SPRED1: variants seen among roughly 807,000 people sequenced by gnomAD.
The protein encoded by SPRED1 is sprouty-related, EVH1 domain-containing protein 1.
A neutral mutation model predicts 52.3 loss-of-function variants in SPRED1; 18 were observed. The ratio of observed to expected loss-of-function variants is 0.34; its 90% CI spans 0.24 to 0.51. SPRED1 has a LOEUF of 0.51. SPRED1 is among the 20% of genes least tolerant of loss of function. The pLI is 0.97. For missense variants in SPRED1, 485 were observed against 551.0 expected, an observed-to-expected ratio of 0.88 and a Z score of 1.20; for synonymous variants, 155 against 179.7, an observed-to-expected ratio of 0.86 and a Z score of 1.10.
chr15:38,253,168 G>C lies in SPRED1; in HGVS notation c.-18G>C, dbSNP rs755489788. On this transcript the variant is annotated 5_prime_UTR_variant, in exon 1 of 7. Coordinates refer to ENST00000299084, the MANE Select transcript of SPRED1 (RefSeq NM_152594.3). ...CTGTTGCTCCTCCATCTCCAGATCG[G>C]ATCACGGTGAGGGAAAGATGAGCGA... The C allele has an allele frequency of 2.5e-6, 4 of 1,575,712 alleles. No homozygotes were observed. The highest frequency in any genetic ancestry group is 2.6e-6 in the Non-Finnish European group (3 of 1,159,786).
intron 2 of SPRED1, among the ~76,000 whole-genome samples, chr15:38,300,601 T>TA (rs1290121561): frequency 6.6e-6 from 1 of 152,116 alleles, no homozygotes; most frequent in East Asian, 1.9e-4. Flanking sequence ...CTTCCCCACT[T>TA]AAAGGGAGAG....
chr15:38,282,285 G>A (rs1029473308), intron 1 of SPRED1, among the ~76,000 whole-genome samples: 2 of 151,134 alleles, frequency 1.3e-5, no homozygotes. Context: ...GACCAGCCTG[G>A]CCAACATCCT....
intron 2 of SPRED1, among the ~76,000 whole-genome samples, chr15:38,311,542 A>C (rs547134562): frequency 6.6e-6 from 1 of 152,310 alleles, no homozygotes; most frequent in South Asian, 2.1e-4. Flanking sequence ...CATTGAAACT[A>C]TCTCAATATG....
intron 4 of SPRED1, among the ~76,000 whole-genome samples, chr15:38,325,093 A>G (rs1365105545): frequency 6.6e-6 from 1 of 151,388 alleles, no homozygotes; most frequent in Non-Finnish European, 1.5e-5. Context: ...CCACCTCCCC[A>G]CAGTGCTGGG....
At chr15:38,281,193 A>G (rs550427920) in intron 1 of SPRED1, among the ~76,000 whole-genome samples, 5 of 152,324 alleles carry the variant, frequency 3.3e-5, no homozygotes, top group East Asian at 1.9e-4. Flanking sequence ...TTTTGTTTCT[A>G]TACAAAAGAG....
At chr15:38,253,529 T>C (rs1473347449) in intron 1 of SPRED1, among the ~76,000 whole-genome samples, 1 of 152,166 alleles carries the variant, frequency 6.6e-6, no homozygotes, top group African/African-American at 2.4e-5. Context: ...GTGAGACCCC[T>C]GTCCCGTCCT....
chr15:38,333,906 C>G (rs1386443324), intron 4 of SPRED1, among the ~76,000 whole-genome samples: 1 of 152,042 alleles, frequency 6.6e-6, no homozygotes, highest in Non-Finnish European at 1.5e-5. Context: ...ACTCTGCCGC[C>G]TAGTAACATT....
chr15:38,270,789 T>TAC (rs1439931880), intron 1 of SPRED1, among the ~76,000 whole-genome samples: 1 of 152,108 alleles, frequency 6.6e-6, no homozygotes, highest in African/African-American at 2.4e-5. Flanking sequence ...ACTTGTTGAA[T>TAC]TTTAAATTAA....
intron 1 of SPRED1, among the ~76,000 whole-genome samples, chr15:38,271,461 C>T (rs1415258399): frequency 6.6e-6 from 1 of 150,808 alleles, no homozygotes; most frequent in African/African-American, 2.4e-5. Context: ...AATGTTGATA[C>T]TTAATGAAAT....
intron 2 of SPRED1, among the ~76,000 whole-genome samples, chr15:38,305,627 A>C (rs1226714906): frequency 6.7e-6 from 1 of 148,164 alleles, no homozygotes; most frequent in Non-Finnish European, 1.5e-5. Context: ...GATTGGCTAA[A>C]ATGTATATAG....
chr15:38,258,970 T>C (rs960113161), intron 1 of SPRED1, among the ~76,000 whole-genome samples: 6 of 152,196 alleles, frequency 3.9e-5, no homozygotes, highest in African/African-American at 1.4e-4. Context: ...GATTTATAAA[T>C]TAAAGAATTT....
intron 1 of SPRED1, among the ~76,000 whole-genome samples, chr15:38,267,752 G>A (rs1229685240): frequency 6.6e-6 from 1 of 152,124 alleles, no homozygotes; most frequent in African/African-American, 2.4e-5. Context: ...TAAATGACTT[G>A]GCAAAGATTA....
chr15:38,283,615 A>C (rs1213161984), intron 1 of SPRED1: 5 of 592,314 alleles, frequency 8.4e-6, no homozygotes, highest in Non-Finnish European at 1.1e-5. Flanking sequence ...TACTTCAAAT[A>C]TTCTTATTTT....
chr15:38,350,110 C>T (rs10083643), intron 6 of SPRED1, among the ~76,000 whole-genome samples: 125,299 of 152,182 alleles, frequency 0.82, 52,390 homozygotes, highest in Non-Finnish European at 0.9. Context: ...TATTAATTTG[C>T]TAGGACTCCC....
chr15:38,349,364 C>T (rs183730237), intron 5 of SPRED1, 58 bp from the exon 6 acceptor site: 1 of 1,291,828 alleles, frequency 7.7e-7, no homozygotes, highest in Admixed American at 1.7e-5. Flanking sequence ...ATACACTGTA[C>T]AGTTTCATTA....
intron 4 of SPRED1, among the ~76,000 whole-genome samples, chr15:38,332,208 A>G (rs922524627): frequency 6.6e-6 from 1 of 152,216 alleles, no homozygotes; most frequent in African/African-American, 2.4e-5. Flanking sequence ...AATAGTGGCT[A>G]TTCCATGGGG....
At chr15:38,280,606 A>G (rs1894667076) in intron 1 of SPRED1, among the ~76,000 whole-genome samples, 1 of 152,170 alleles carries the variant, frequency 6.6e-6, no homozygotes, top group Non-Finnish European at 1.5e-5. Context: ...TAAAAATGTG[A>G]TTTTTAGCTT....
chr15:38,253,337 T>C, intron 1 of SPRED1, 120 bp downstream of exon 1: 8 of 917,334 alleles, frequency 8.7e-6, no homozygotes, highest in Middle Eastern at 4.2e-4. Flanking sequence ...GTTCGGTGCA[T>C]CTTCTGGAGA....
intron 1 of SPRED1, among the ~76,000 whole-genome samples, chr15:38,270,658 G>C (rs1434494872): frequency 1.3e-5 from 2 of 152,088 alleles, no homozygotes; most frequent in African/African-American, 2.4e-5. Context: ...GAACAGCGAG[G>C]GGGTAGTCTG....
Sources: allele counts gnomAD v4.1 joint callset (sites outside exome capture counted in the v4.1 genomes callset), GRCh38; gene constraint gnomAD v4.1.1; transcripts MANE v1.5; gene names NCBI Gene and HGNC (gene_info 2026-07-23, HGNC 2026-07-21).